The following ELL variants were observed in gnomAD, a reference collection of about 807,000 sequenced individuals.
ELL encodes elongation factor for RNA polymerase II.
Under a neutral mutation model 64.0 loss-of-function variants are expected in ELL, and 18 were observed. That is an observed-to-expected ratio of 0.28 (90% confidence interval 0.19 to 0.42). The LOEUF (loss-of-function observed/expected upper bound fraction) is 0.42. Among genes scored for constraint, ELL ranks in the 10% least tolerant of loss-of-function variants. The pLI is 1.00. For missense variants in ELL, 797 were observed against 870.4 expected (o/e 0.92, Z 1.06); for synonymous variants, 399 against 376.2 (o/e 1.06, Z -0.70).
intron 1 of ELL, among the ~76,000 whole-genome samples, chr19:18,520,808 T>G (rs1976251641): frequency 7.0e-6 from 1 of 142,484 alleles, no homozygotes; most frequent in Admixed American, 7.4e-5. Flanking sequence ...CCCACTCCCT[T>G]TAGGGCAATG....
chr19:18,465,876 T>C lies in ELL; in HGVS notation c.226A>G (p.Thr76Ala). The C allele has an allele frequency of 7.5e-7, 1 of 1,332,410 alleles. No individual in the cohort carries two copies. The highest frequency in any genetic ancestry group is 9.7e-7 in the Non-Finnish European group (1 of 1,032,550). The allele number at this position is 1,332,410 out of a possible 1,614,324, so 82.5% of individuals were successfully genotyped here. A position where few individuals can be genotyped will look rare whatever the true frequency, so the allele number is the denominator to read the frequency against. The change falls in exon 3 of 12, where the codon ACG (threonine) becomes GCG (alanine). Residue 76 changes from threonine to alanine, a missense_variant. By Grantham distance (58) the Thr-to-Ala change is moderately conservative. Transcript: ENST00000262809. ...PQPDCPAEARTFSFYLSNIGR... is the reference protein window; with the variant it reads ...PQPDCPAEARAFSFYLSNIGR... Reference sequence around the variant, plus strand: ...ATGTTGGAGAGGTAGAAGGAGAACGTCCGCGCCTCTGCGGGGCAGTCAGGC... The same window carrying C: ...ATGTTGGAGAGGTAGAAGGAGAACGCCCGCGCCTCTGCGGGGCAGTCAGGC...
intron 1 of ELL, among the ~76,000 whole-genome samples, chr19:18,516,989 G>A (rs527885295): frequency 5.2e-4 from 79 of 152,128 alleles, no homozygotes; most frequent in African/African-American, 1.8e-3. Flanking sequence ...TCTGAACAAC[G>A]GTGTGCTCCT....
In ELL at chr19:18,501,627, GC is replaced by G. The variant is rs1488447225; in HGVS notation, c.135+20293del. ...CTACTCACGAGTGCACACGAGGACA[GC>G]CAGGATTCACTAGGACAGGATCTGC... On this transcript the variant is annotated intron_variant, in intron 1 of 11. Coordinates refer to ENST00000262809, the MANE Select transcript of ELL (RefSeq NM_006532.4). The surrounding 1 kb of genome is among the most constrained non-coding windows in gnomAD (Gnocchi z 4.5). Among the ~76,000 whole-genome samples, 2 of 152,238 alleles carry G rather than the reference GC, an allele frequency of 1.3e-5. No homozygotes were observed. The highest frequency in any genetic ancestry group is 4.8e-5 in the African/African-American group (2 of 41,470).
At chr19:18,461,458 C>T in intron 5 of ELL, 120 bp downstream of exon 5, 1 of 1,461,344 alleles carries the variant, frequency 6.8e-7, no homozygotes, top group Non-Finnish European at 9.1e-7. Flanking sequence ...TGTGAGAGAC[C>T]CCAGGAAGGG....
chr19:18,451,468 T>G, intron 7 of ELL, 84 bp downstream of exon 7: 43 of 1,187,004 alleles, frequency 3.6e-5, no homozygotes, highest in Non-Finnish European at 4.6e-5. Flanking sequence ...AAAGAGCTGG[T>G]GAGGAAGGTG....
rs1323142835 is a variant in ELL at position 18,514,716 on chromosome 19, T to C, written c.135+7205A>G. On this transcript the variant is annotated intron_variant, in intron 1 of 11. Transcript: ENST00000262809. ...GAGACCAAGGAGAAAGTGTAACAAC[T>C]GAATTCATCAAGGCAGAAAGCACAA... is the stretch of plus-strand genomic sequence containing the variant. 5.9e-5 allele frequency among the ~76,000 whole-genome samples: 9 copies of C among 152,180 alleles called. No individual in the cohort carries two copies. The East Asian group carries it at 1.5e-3, about 26-fold the overall frequency.
rs1568396219 is a variant in ELL at position 18,501,078 on chromosome 19, A to G, written c.135+20843T>C. The stretch of plus-strand genomic sequence containing the variant: ...GAGGCAATGCCGTCCCATCCCAAGC[A>G]TGTGGGCGCACACCCAGGAGAAGAA... On this transcript the variant is annotated intron_variant, in intron 1 of 11. Transcript: ENST00000262809. This position sits in a 1 kb window ranked among gnomAD's most constrained non-coding sequence, Gnocchi z 4.5. 6.6e-6 allele frequency among the ~76,000 whole-genome samples: 1 copy of G among 152,060 alleles called. No homozygotes were observed. The highest frequency in any genetic ancestry group is 2.4e-5 in the African/African-American group (1 of 41,400).
At position 18,449,559 on chromosome 19, in the gene ELL, C is replaced by T. The variant is rs1411374480; in HGVS notation, c.1465+918G>A. On this transcript the variant is annotated intron_variant, in intron 8 of 11. Coordinates refer to ENST00000262809, the MANE Select transcript of ELL (RefSeq NM_006532.4). This position sits in a 1 kb window ranked among gnomAD's most constrained non-coding sequence, Gnocchi z 4.4. ...GGACGGGGCATGGCCCTCTGAGCAA[C>T]GCAAAGCTATAATGAAAGAAGGGCT... is the stretch of plus-strand genomic sequence containing the variant. Among the ~76,000 whole-genome samples, 1 of 152,182 alleles carries T rather than the reference C, an allele frequency of 6.6e-6. No individual in the cohort carries two copies. The highest frequency in any genetic ancestry group is 2.4e-5 in the African/African-American group (1 of 41,434).
Position 18,444,662 on chromosome 19 carries a change from T to A in ELL, c.*90A>T. 2.2e-6 allele frequency: 3 copies of A among 1,383,492 alleles called. No homozygotes were observed. Among genetic ancestry groups the A allele is most frequent in the South Asian group, 2.7e-5 (2 of 74,046 alleles). The allele number at this position is 1,383,492 out of a possible 1,614,324, so 85.7% of individuals were successfully genotyped here. On this transcript the variant is annotated 3_prime_UTR_variant, in exon 12 of 12. Transcript: ENST00000262809. ...CCGGCGGTGCTGGCTCAGATGAGCA[T>A]CTTCCTCGGGTTTATTTTTTTAAAT... is the stretch of plus-strand genomic sequence containing the variant.
At chr19:18,518,311 G>T (rs1156771986) in intron 1 of ELL, among the ~76,000 whole-genome samples, 2 of 151,754 alleles carry the variant, frequency 1.3e-5, no homozygotes, top group Non-Finnish European at 2.9e-5. Flanking sequence ...ATCAGCCTTG[G>T]CAACATAGTG....
chr19:18,497,836 A>C (rs1348840779), intron 1 of ELL, among the ~76,000 whole-genome samples: 2 of 151,500 alleles, frequency 1.3e-5, no homozygotes, highest in Non-Finnish European at 2.9e-5. Context: ...AAAAAAAAAA[A>C]AAAAGATGTC....
At chr19:18,454,840 C>CAAAAAAAAAAAAAAAAAAAAAAAAAAAA (rs563546343) in intron 6 of ELL, among the ~76,000 whole-genome samples, 24 of 56,516 alleles carry the variant, frequency 4.2e-4, no homozygotes, top group Non-Finnish European at 5.8e-4. Context: ...GACTCAGTCT[C>CAAAAAAAAAAAAAAAAAAAAAAAAAAAA]AAAAAAAAAA....
At chr19:18,513,868 T>C (rs964903628) in intron 1 of ELL, among the ~76,000 whole-genome samples, 1 of 151,904 alleles carries the variant, frequency 6.6e-6, no homozygotes, top group East Asian at 1.9e-4. Flanking sequence ...GAGGCAGAGG[T>C]TGCAGTGAGC....
chr19:18,505,759 C>T (rs1303446094), intron 1 of ELL, among the ~76,000 whole-genome samples: 1 of 152,158 alleles, frequency 6.6e-6, no homozygotes, highest in Admixed American at 6.5e-5. Flanking sequence ...TGGGACACAG[C>T]TCCCTGAACC....
chr19:18,481,731 C>G (rs912575595), intron 1 of ELL, among the ~76,000 whole-genome samples: 1 of 152,164 alleles, frequency 6.6e-6, no homozygotes, highest in South Asian at 2.1e-4. Flanking sequence ...AGTATAAATA[C>G]GCCACCTTCC....
At chr19:18,458,992 G>C (rs1317663174) in intron 5 of ELL, among the ~76,000 whole-genome samples, 2 of 152,126 alleles carry the variant, frequency 1.3e-5, no homozygotes, top group African/African-American at 4.8e-5. Context: ...GGGCTCAAGC[G>C]ATCCTCTTGC....
At chr19:18,509,607 A>G (rs1413044589) in intron 1 of ELL, among the ~76,000 whole-genome samples, 6,091 of 41,012 alleles carry the variant, frequency 0.15, 409 homozygotes, top group African/African-American at 0.43. Flanking sequence ...ATACACACAC[A>G]CACACACACA....
At chr19:18,459,536 T>C (rs1974756750) in intron 5 of ELL, among the ~76,000 whole-genome samples, 1 of 145,960 alleles carries the variant, frequency 6.9e-6, no homozygotes, top group South Asian at 2.2e-4. Context: ...TTTTTTTTTT[T>C]TGAGATGGAG....
At chr19:18,452,767 G>A (rs576630236) in intron 6 of ELL, among the ~76,000 whole-genome samples, 11 of 152,322 alleles carry the variant, frequency 7.2e-5, no homozygotes, top group African/African-American at 2.6e-4. Flanking sequence ...CTGGGCCACA[G>A]CTGGACAACA....
Sources: allele counts gnomAD v4.1 joint callset (sites outside exome capture counted in the v4.1 genomes callset), GRCh38; gene constraint gnomAD v4.1.1; non-coding constraint Gnocchi (gnomAD v3.1); transcripts MANE v1.5; gene names NCBI Gene and HGNC (gene_info 2026-07-23, HGNC 2026-07-21).